SUGCT: variants seen among roughly 807,000 people sequenced by gnomAD.
SUGCT encodes the protein succinyl-CoA:glutarate CoA-transferase.
In SUGCT, 41 loss-of-function variants were observed where a neutral mutation model predicts 55.0. The observed-to-expected ratio is 0.74, with a 90% CI of 0.58 to 0.97. The LOEUF (loss-of-function observed/expected upper bound fraction) is 0.97. SUGCT is among the 50% of genes least tolerant of loss of function. The pLI, the probability that SUGCT is intolerant of heterozygous loss-of-function variation, is 0.00. For synonymous variants in SUGCT, 187 were observed against 200.4 expected (o/e 0.93, Z 0.56); for missense variants, 568 against 547.8 (o/e 1.04, Z -0.37).
At chr7:40,754,780 G>A (rs1340040719) in intron 13 of SUGCT, among the ~76,000 whole-genome samples, 1 of 152,168 alleles carries the variant, frequency 6.6e-6, no homozygotes, top group Non-Finnish European at 1.5e-5. Context: ...ACTGTGATGT[G>A]CTACTGTAAA....
intron 12 of SUGCT, among the ~76,000 whole-genome samples, chr7:40,532,906 C>T (rs1022669356): frequency 5.3e-5 from 8 of 152,122 alleles, no homozygotes; most frequent in African/African-American, 1.4e-4. Flanking sequence ...TCTCTCAGCT[C>T]ACATGAGTAA....
At chr7:40,551,593 A>G (rs1045551979) in intron 12 of SUGCT, among the ~76,000 whole-genome samples, 11 of 152,070 alleles carry the variant, frequency 7.2e-5, no homozygotes, top group African/African-American at 2.2e-4. Flanking sequence ...TCCATCATTC[A>G]CTCCACATAC....
chr7:40,275,538 G>A (rs1792409800), intron 8 of SUGCT, among the ~76,000 whole-genome samples: 1 of 152,006 alleles, frequency 6.6e-6, no homozygotes, highest in Admixed American at 6.6e-5. Context: ...GGTATTTCAT[G>A]GTATCTGTAG....
chr7:40,836,421 T>TA (rs779330398), intron 13 of SUGCT, among the ~76,000 whole-genome samples: 4 of 152,244 alleles, frequency 2.6e-5, no homozygotes, highest in South Asian at 2.1e-4. Flanking sequence ...CTGTCAGTGA[T>TA]ACAGTTGACT....
chr7:40,377,198 CTTTTCTTTTCT>C lies in SUGCT; in HGVS notation c.816+60347_816+60357del, dbSNP rs1367969026. On this transcript the variant is annotated intron_variant, in intron 9 of 13. Transcript: ENST00000335693. ...TCTTTCTTTCTTTCTTTCTTTCTTT[CTTTTCTTTTCT>C]TTTCTTTCTTTTCTTTCTTTCTTCC... Among the ~76,000 whole-genome samples, 141 of 16,488 alleles carry C rather than the reference CTTTTCTTTTCT, an allele frequency of 8.6e-3. 14 individuals carry two copies. Among genetic ancestry groups the C allele is most frequent in the East Asian group, 0.029 (2 of 70 alleles). The allele number at this position is 16,488 out of a possible 152,430, so 10.8% of individuals were successfully genotyped here.
intron 7 of SUGCT, among the ~76,000 whole-genome samples, chr7:40,250,751 A>C (rs994828223): frequency 1.3e-5 from 2 of 151,772 alleles, no homozygotes; most frequent in Admixed American, 1.3e-4. Flanking sequence ...TTACAAAAGT[A>C]ATCATTACTA....
intron 12 of SUGCT, among the ~76,000 whole-genome samples, chr7:40,674,250 A>G (rs1417886773): frequency 1.3e-5 from 2 of 152,226 alleles, no homozygotes; most frequent in African/African-American, 2.4e-5. Context: ...CAGTCTGTGG[A>G]AAGTTTCATT....
intron 8 of SUGCT, among the ~76,000 whole-genome samples, chr7:40,300,417 A>G (rs1217958449): frequency 6.6e-6 from 1 of 152,196 alleles, no homozygotes; most frequent in Non-Finnish European, 1.5e-5. Flanking sequence ...TAGCCCTCCA[A>G]TTGTGGTTAA....
rs148006934 is a variant in SUGCT, at chr7:40,489,407, G to A, written c.987-6877G>A. ...TTAAAACTGCTATTTTGGGCCAGGC[G>A]TGGTGGCTCACGCCTTTAATCCCAG... On this transcript the variant is annotated intron_variant, in intron 11 of 13. Transcript: ENST00000335693. Among the ~76,000 whole-genome samples, 1,219 of 152,196 alleles carry A rather than the reference G, an allele frequency of 8.0e-3. 17 individuals carry two copies. The highest frequency in any genetic ancestry group is 0.027 in the African/African-American group (1,129 of 41,514).
At chr7:40,737,730 T>A (rs773216532) in intron 12 of SUGCT, among the ~76,000 whole-genome samples, 1 of 152,186 alleles carries the variant, frequency 6.6e-6, no homozygotes, top group South Asian at 2.1e-4. Flanking sequence ...TAAATATGCA[T>A]GTTAAGACTT....
intron 7 of SUGCT, among the ~76,000 whole-genome samples, chr7:40,248,018 T>G (rs1485981741): frequency 2.7e-5 from 4 of 150,450 alleles, no homozygotes; most frequent in Non-Finnish European, 5.9e-5. Flanking sequence ...TTTTTGTTTT[T>G]TTTTTTTTTT....
chr7:40,168,906 C>T (rs1425513850), intron 1 of SUGCT, among the ~76,000 whole-genome samples: 4 of 152,058 alleles, frequency 2.6e-5, no homozygotes, highest in Non-Finnish European at 5.9e-5. Context: ...GATCTTTTGG[C>T]TTCGGTATCT....
chr7:40,201,304 T>G (rs1238378755), intron 6 of SUGCT, among the ~76,000 whole-genome samples: 1 of 152,144 alleles, frequency 6.6e-6, no homozygotes, highest in Non-Finnish European at 1.5e-5. Context: ...TTTTAAAAAT[T>G]TCTAAAGACA....
the SUGCT span, among the ~76,000 whole-genome samples, chr7:40,919,467 G>T: frequency 9.2e-5 from 14 of 152,210 alleles, no homozygotes; most frequent in East Asian, 2.5e-3. Flanking sequence ...CCCCAAACGG[G>T]GGGTTCTTAA....
chr7:40,935,096 T>C, the SUGCT span, among the ~76,000 whole-genome samples: 2 of 152,228 alleles, frequency 1.3e-5, no homozygotes, highest in Admixed American at 6.5e-5. Context: ...CTCTCACTGA[T>C]AAGTGAATAG....
At chr7:40,957,629 T>C in the SUGCT span, among the ~76,000 whole-genome samples, 1 of 152,072 alleles carries the variant, frequency 6.6e-6, no homozygotes. Flanking sequence ...AATTGGGGTA[T>C]TTAGCTGATT....
At chr7:40,845,827 C>T (rs1010594460) in intron 13 of SUGCT, among the ~76,000 whole-genome samples, 1 of 152,082 alleles carries the variant, frequency 6.6e-6, no homozygotes, top group Non-Finnish European at 1.5e-5. Context: ...ATCTTAAAGA[C>T]TCTGGGGAAG....
chr7:40,941,805 C>T, the SUGCT span, among the ~76,000 whole-genome samples: 6 of 152,182 alleles, frequency 3.9e-5, no homozygotes, highest in South Asian at 1.0e-3. Context: ...AATTGATCCT[C>T]TTATTGTTAT....
Position 40,249,321 on chromosome 7 carries a change from A to ATATATATCTATATC in SUGCT, c.576+11602_576+11603insCTATATCTATATAT, listed in dbSNP as rs1562612028. Among the ~76,000 whole-genome samples, 52 of 109,466 alleles carry ATATATATCTATATC rather than the reference A, an allele frequency of 4.8e-4. 1 individual carries two copies. Among genetic ancestry groups the ATATATATCTATATC allele is most frequent in the Non-Finnish European group, 8.1e-4 (44 of 54,314 alleles). The allele number at this position is 109,466 out of a possible 152,430, so 71.8% of individuals were successfully genotyped here. ...CAAAAAACACCAAAAAGCTATATAT[A>ATATATATCTATATC]TATATATATATATATATATATATAT... On this transcript the variant is annotated intron_variant, in intron 7 of 13. Coordinates refer to ENST00000335693, the MANE Select transcript of SUGCT (RefSeq NM_001193313.2).
Sources: gnomAD v4.1 joint callset for allele counts (sites outside exome capture counted in the v4.1 genomes callset) on GRCh38, gnomAD v4.1.1 for gene constraint, MANE v1.5 for transcripts, NCBI Gene and HGNC (gene_info 2026-07-23, HGNC 2026-07-21) for gene names.